The following LRRFIP2 variants were observed in gnomAD, a reference collection of about 807,000 sequenced individuals.
LRRFIP2 encodes LRR binding FLII interacting protein 2, also known as leucine-rich repeat flightless-interacting protein 2.
LRRFIP2 carries 109 observed loss-of-function variants against 125.9 expected under a neutral mutation model. The observed-to-expected ratio is 0.87, with a 90% CI of 0.74 to 1.01. The LOEUF (loss-of-function observed/expected upper bound fraction) is 1.01. Ranked by LOEUF, LRRFIP2 falls within the 50% of genes least tolerant of loss-of-function variation. The pLI is 0.00. For synonymous variants in LRRFIP2, 291 were observed against 293.1 expected, an observed-to-expected ratio of 0.99 and a Z score of 0.07; for missense variants, 850 against 862.3, an observed-to-expected ratio of 0.99 and a Z score of 0.18.
chr3:37,134,837 C>T, intron 2 of LRRFIP2: 1 of 997,728 alleles, frequency 1.0e-6, no homozygotes, highest in Non-Finnish European at 1.6e-6. Flanking sequence ...CTACAGACTG[C>T]TCCTTCAAAC....
intron 4 of LRRFIP2, among the ~76,000 whole-genome samples, chr3:37,123,332 C>T (rs1474728761): frequency 1.3e-5 from 2 of 152,160 alleles, no homozygotes; most frequent in Non-Finnish European, 2.9e-5. Flanking sequence ...GCTGGGACCA[C>T]AGGCACCCAC....
intron 1 of LRRFIP2, among the ~76,000 whole-genome samples, chr3:37,165,517 G>C (rs1042203226): frequency 6.6e-6 from 1 of 152,020 alleles, no homozygotes; most frequent in Non-Finnish European, 1.5e-5. Context: ...AGCACTTTGG[G>C]AGGCCAAGGC....
intron 1 of LRRFIP2, among the ~76,000 whole-genome samples, chr3:37,172,467 T>C (rs1312370051): frequency 2.0e-5 from 3 of 152,202 alleles, no homozygotes; most frequent in African/African-American, 7.2e-5. Flanking sequence ...GTTGCTTGGA[T>C]TGGGGGGTTG....
chr3:37,143,388 G>A, intron 2 of LRRFIP2: 1 of 158,608 alleles, frequency 6.3e-6, no homozygotes. Flanking sequence ...AGGGGAATGA[G>A]AGGGAGAGTC....
At chr3:37,108,175 A>G (rs753962409) in intron 12 of LRRFIP2, 46 bp from the exon 13 acceptor site, 3 of 1,437,332 alleles carry the variant, frequency 2.1e-6, no homozygotes, top group African/African-American at 1.4e-5. Context: ...TGATCACCTC[A>G]TTATTCTAAT....
intron 21 of LRRFIP2, 107 bp from the exon 22 acceptor site, chr3:37,066,432 G>T: frequency 2.4e-6 from 2 of 850,928 alleles, no homozygotes; most frequent in Non-Finnish European, 2.0e-6. Context: ...GGCATAAAAA[G>T]CAAGAAAGCA....
chr3:37,055,257 T>C (rs2086483928), intron 25 of LRRFIP2, 92 bp from the exon 26 acceptor site: 3 of 733,838 alleles, frequency 4.1e-6, no homozygotes, highest in Non-Finnish European at 6.7e-6. Context: ...GAGAGGACCA[T>C]GCAGTCTTAA....
In LRRFIP2 at chr3:37,091,538, C is replaced by A; in HGVS notation, c.1036G>T (p.Asp346Tyr). Residue 346 changes from aspartate to tyrosine, a missense_variant and splice_region_variant, in exon 18 of 28, where the codon GAT becomes TAT. By Grantham distance (160) the Asp-to-Tyr change is radical (BLOSUM62 -3). Transcript: ENST00000336686. Reference protein sequence around the residue: ...DPDTSLSELRDIYDLKDQIQD... With the variant: ...DPDTSLSELRYIYDLKDQIQD... The stretch of plus-strand genomic sequence containing the variant: ...ATCTGGTCCTTAAGGTCATAGATAT[C>A]CTGCAGGACATAGGAATGAACCATT... The A allele has an allele frequency of 6.2e-7, 1 of 1,604,750 alleles. No homozygotes were observed. Among genetic ancestry groups the A allele is most frequent in the Non-Finnish European group, 8.5e-7 (1 of 1,174,992 alleles).
chr3:37,053,877 T>C lies in LRRFIP2; in HGVS notation c.2140A>G (p.Arg714Gly). ...AKRLEKMKAN[R>G]TALLAQQ ...TACTGCTGGGCCAGAAGTGCTGTCC[T>C]ATTGGCCTTCATCTTCTCCAGCCGC... is the stretch of plus-strand genomic sequence containing the variant. The change falls in exon 28 of 28, where the codon AGG becomes GGG. Residue 714 changes from arginine (R) to glycine (G), a missense_variant. Physicochemically the swap from Arg to Gly is moderately radical, Grantham distance 125 (BLOSUM62 -2). Transcript: ENST00000336686. 1 of 1,614,022 alleles carries C rather than the reference T, an allele frequency of 6.2e-7. No individual in the cohort carries two copies. The highest frequency in any genetic ancestry group is 8.5e-7 in the Non-Finnish European group (1 of 1,179,850).
intron 2 of LRRFIP2, among the ~76,000 whole-genome samples, chr3:37,147,872 T>C (rs2095898130): frequency 6.6e-6 from 1 of 152,240 alleles, no homozygotes; most frequent in Admixed American, 6.5e-5. Context: ...CAGGAAATGT[T>C]GCCAGCGATT....
intron 25 of LRRFIP2, among the ~76,000 whole-genome samples, chr3:37,055,924 T>G (rs947719329): frequency 6.6e-6 from 1 of 152,222 alleles, no homozygotes; most frequent in Admixed American, 6.5e-5. Flanking sequence ...CACCTCTGAC[T>G]TGCTTCAAGG....
intron 18 of LRRFIP2, among the ~76,000 whole-genome samples, chr3:37,086,838 AATAC>A (rs1027643159): frequency 6.6e-5 from 10 of 152,114 alleles, no homozygotes; most frequent in Admixed American, 5.2e-4. Flanking sequence ...TCTAAATAAA[AATAC>A]ATACATACAT....
chr3:37,125,887 C>G lies in LRRFIP2; in HGVS notation c.228+1743G>C, dbSNP rs138096196. On this transcript the variant is annotated intron_variant, in intron 4 of 27. Transcript: ENST00000336686. Reference sequence around the variant, plus strand: ...ATGCCAACTTCTCCTTATGGGCTCACAGATAAAGCAGCCAGAGAGACAAAG... The same window carrying G: ...ATGCCAACTTCTCCTTATGGGCTCAGAGATAAAGCAGCCAGAGAGACAAAG... Among the ~76,000 whole-genome samples the G allele has an allele frequency of 3.2e-3, 494 of 152,280 alleles. 4 individuals carry two copies. The highest frequency in any genetic ancestry group is 0.011 in the African/African-American group (471 of 41,542).
Position 37,110,080 on chromosome 3 carries a change from T to C in LRRFIP2, c.514-377A>G, listed in dbSNP as rs780887282. Among the ~76,000 whole-genome samples the C allele has an allele frequency of 7.6e-4, 115 of 152,174 alleles. 1 individual carries two copies. The highest frequency in any genetic ancestry group is 9.0e-4 in the Non-Finnish European group (61 of 68,022). On this transcript the variant is annotated intron_variant, in intron 9 of 27. Coordinates refer to ENST00000336686, the MANE Select transcript of LRRFIP2 (RefSeq NM_006309.4). ...CCACATCCCACTCACCCAGTTCTTA[T>C]GATATTTTCAGTGATTTTATGACCA...
intron 6 of LRRFIP2, among the ~76,000 whole-genome samples, chr3:37,120,105 CT>C (rs201402337): frequency 0.015 from 1,895 of 129,506 alleles, 22 homozygotes; most frequent in African/African-American, 0.046. Flanking sequence ...TGTTAATATT[CT>C]TTTTTTTTTT....
At chr3:37,174,009 G>C (rs1450078411) in intron 1 of LRRFIP2, 1 of 152,020 alleles carries the variant, frequency 6.6e-6, no homozygotes, top group Non-Finnish European at 1.5e-5. Context: ...GTGTTCACAG[G>C]GAACTGAAAC....
intron 23 of LRRFIP2, chr3:37,065,003 GCTTA>G (rs1394509782): frequency 6.5e-6 from 1 of 152,870 alleles, no homozygotes; most frequent in Non-Finnish European, 1.5e-5. Context: ...TAGAGAATGT[GCTTA>G]CTAACTTTCA....
At chr3:37,156,762 C>G (rs2096212709) in intron 1 of LRRFIP2, among the ~76,000 whole-genome samples, 1 of 138,250 alleles carries the variant, frequency 7.2e-6, no homozygotes, top group South Asian at 2.5e-4. Flanking sequence ...AATTAAAAAT[C>G]TAGAGTGGAA....
intron 4 of LRRFIP2, among the ~76,000 whole-genome samples, chr3:37,126,070 C>T (rs1046844859): frequency 6.6e-6 from 1 of 151,948 alleles, no homozygotes; most frequent in African/African-American, 2.4e-5. Context: ...ACTCTGTTGC[C>T]CAGGCTAGAG....
Sources: allele counts gnomAD v4.1 joint callset (sites outside exome capture counted in the v4.1 genomes callset), GRCh38; gene constraint gnomAD v4.1.1; transcripts MANE v1.5; gene names NCBI Gene and HGNC (gene_info 2026-07-23, HGNC 2026-07-21).